Variants in EVC2 observed in about 807,000 individuals in gnomAD.
The protein encoded by EVC2 is limbin.
EVC2 carries 148 observed loss-of-function variants against 149.3 expected under a neutral mutation model. The observed-to-expected ratio is 0.99, with a 90% CI of 0.87 to 1.14. The LOEUF (loss-of-function observed/expected upper bound fraction) is 1.14. EVC2 is among the 50% of genes most tolerant of loss of function. The pLI is 0.00. For synonymous variants in EVC2, 776 were observed against 649.9 expected (o/e 1.19, Z -2.95); for missense variants, 1,854 against 1,627.3 (o/e 1.14, Z -2.40).
At chr4:5,589,889 T>C (rs1712631374) in intron 16 of EVC2, among the ~76,000 whole-genome samples, 1 of 152,178 alleles carries the variant, frequency 6.6e-6, no homozygotes, top group Non-Finnish European at 1.5e-5. Context: ...TTAACAAATA[T>C]TGCCGTTGTT....
upstream of EVC2, chr4:5,708,607 G>T: frequency 3.2e-6 from 3 of 931,756 alleles, no homozygotes; most frequent in Non-Finnish European, 4.4e-6. Context: ...AGCATGCTCA[G>T]TGCGAGCCGC....
At chr4:5,592,782 T>C (rs1712931343) in intron 16 of EVC2, among the ~76,000 whole-genome samples, 1 of 152,214 alleles carries the variant, frequency 6.6e-6, no homozygotes, top group South Asian at 2.1e-4. Context: ...ACACTGCATA[T>C]GTGGCTCCTC....
chr4:5,695,144 T>C (rs1721387780), intron 2 of EVC2, among the ~76,000 whole-genome samples: 1 of 151,954 alleles, frequency 6.6e-6, no homozygotes, highest in African/African-American at 2.4e-5. Flanking sequence ...AGTCAAGAGA[T>C]CGAGACTATC....
chr4:5,551,843 A>T (rs1721745694), intron 21 of EVC2, among the ~76,000 whole-genome samples: 1 of 152,030 alleles, frequency 6.6e-6, no homozygotes, highest in Non-Finnish European at 1.5e-5. Context: ...ACAAGATCTG[A>T]TGATTTTTAA....
intron 14 of EVC2, among the ~76,000 whole-genome samples, chr4:5,619,225 A>G (rs1300100992): frequency 2.6e-5 from 4 of 152,224 alleles, no homozygotes; most frequent in Admixed American, 6.5e-5. Context: ...GCTCCCAAAA[A>G]GATATATTCA....
chr4:5,560,610 T>G (rs929664214), downstream of EVC2, among the ~76,000 whole-genome samples: 1 of 152,146 alleles, frequency 6.6e-6, no homozygotes, highest in Non-Finnish European at 1.5e-5. This position sits in a 1 kb window ranked among gnomAD's most constrained non-coding sequence, Gnocchi z 4.1. Context: ...AGGATTACAA[T>G]TCAAGGCAAG....
At chr4:5,701,556 G>A (rs1721825973) in intron 1 of EVC2, among the ~76,000 whole-genome samples, 1 of 152,022 alleles carries the variant, frequency 6.6e-6, no homozygotes, top group Admixed American at 6.5e-5. Context: ...CTAGTCAAAA[G>A]TCCTGGGGTT....
intron 16 of EVC2, among the ~76,000 whole-genome samples, chr4:5,592,216 A>T (rs916271873): frequency 6.6e-6 from 1 of 152,212 alleles, no homozygotes; most frequent in Admixed American, 6.5e-5. Flanking sequence ...AGGCCTCCTT[A>T]CCAAATTCAT....
intron 17 of EVC2, among the ~76,000 whole-genome samples, chr4:5,582,338 C>T (rs1439096790): frequency 6.6e-6 from 1 of 152,250 alleles, no homozygotes; most frequent in Admixed American, 6.5e-5. Context: ...ATCCCTTGGA[C>T]CAGCATGTTC....
At chr4:5,706,599 C>T (rs1288734302) in intron 1 of EVC2, among the ~76,000 whole-genome samples, 2 of 151,976 alleles carry the variant, frequency 1.3e-5, no homozygotes, top group African/African-American at 4.8e-5. Context: ...AGCCCTTACA[C>T]CATTGCTCAG....
At chr4:5,661,953 G>A (rs183099151) in intron 9 of EVC2, among the ~76,000 whole-genome samples, 2 of 152,332 alleles carry the variant, frequency 1.3e-5, no homozygotes, top group Admixed American at 1.3e-4. Flanking sequence ...TTCTTAAACA[G>A]TGTCTGGCAC....
intron 16 of EVC2, among the ~76,000 whole-genome samples, chr4:5,594,807 A>G (rs1713220799): frequency 6.6e-6 from 1 of 152,180 alleles, no homozygotes; most frequent in South Asian, 2.1e-4. Flanking sequence ...AAGGCAAAGA[A>G]GTTGAAAACT....
chr4:5,609,611 C>A (rs1176378059), intron 16 of EVC2, among the ~76,000 whole-genome samples: 1 of 152,170 alleles, frequency 6.6e-6, no homozygotes, highest in Non-Finnish European at 1.5e-5. Context: ...CAGCCCACTC[C>A]AAAGTTAAAA....
chr4:5,650,671 A>G (rs4295208), intron 9 of EVC2, among the ~76,000 whole-genome samples: 173 of 102,292 alleles, frequency 1.7e-3, no homozygotes, highest in African/African-American at 6.2e-3. Context: ...AGAGAGAGAG[A>G]GCCATTTAAT....
rs573975050 is a variant in EVC2, at chr4:5,544,125, C to T, written c.3420-913G>A. Among the ~76,000 whole-genome samples the T allele has an allele frequency of 8.5e-5, 13 of 152,172 alleles. No individual in the cohort carries two copies. The South Asian group carries it at 1.2e-3, about 15-fold the overall frequency. On this transcript the variant is annotated intron_variant and NMD_transcript_variant, in intron 21 of 22. Coordinates refer to the EVC2 transcript ENST00000475313. ...AGAGAAGAGGGAGGGAGACACCCTG[C>T]GGTCACCTGAGTTTAAACTAAAATT...
At chr4:5,574,604 T>C in intron 19 of EVC2, 81 bp downstream of exon 19, 1 of 1,395,100 alleles carries the variant, frequency 7.2e-7, no homozygotes. Flanking sequence ...ATCCTGGAGG[T>C]GAGGAAATGT....
chr4:5,695,995 G>A (rs1010462613), intron 2 of EVC2, among the ~76,000 whole-genome samples: 1 of 152,138 alleles, frequency 6.6e-6, no homozygotes, highest in Non-Finnish European at 1.5e-5. Flanking sequence ...ATGGGATAAG[G>A]GCTCCAATTG....
At chr4:5,588,396 G>C (rs1049328055) in intron 16 of EVC2, among the ~76,000 whole-genome samples, 7 of 151,996 alleles carry the variant, frequency 4.6e-5, no homozygotes, top group African/African-American at 1.4e-4. Context: ...CTTATGCTTG[G>C]GATACACTGA....
intron 9 of EVC2, among the ~76,000 whole-genome samples, chr4:5,641,890 T>C (rs1416293294): frequency 2.6e-5 from 4 of 152,164 alleles, no homozygotes; most frequent in Admixed American, 2.6e-4. Context: ...ATATCTAGGT[T>C]TTAAGCTCCT....
Sources: gnomAD v4.1 joint callset for allele counts (sites outside exome capture counted in the v4.1 genomes callset) on GRCh38, gnomAD v4.1.1 for gene constraint, Gnocchi (gnomAD v3.1) non-coding constraint, MANE v1.5 for transcripts, NCBI Gene and HGNC (gene_info 2026-07-23, HGNC 2026-07-21) for gene names.